CLHC1: variants seen among roughly 807,000 people sequenced by gnomAD.
CLHC1 encodes clathrin heavy chain linker domain containing 1.
In CLHC1, 72 loss-of-function variants were observed where a neutral mutation model predicts 69.5. That is an observed-to-expected ratio of 1.04 (90% CI 0.86 to 1.26). The LOEUF is 1.26. Ranked by LOEUF, CLHC1 falls within the 50% of genes most tolerant of loss-of-function variation. The pLI is 0.00. For synonymous variants in CLHC1, 223 were observed against 224.3 expected (o/e 0.99, Z 0.05); for missense variants, 790 against 679.3 (o/e 1.16, Z -1.81).
intron 9 of CLHC1, among the ~76,000 whole-genome samples, chr2:55,188,736 T>A (rs1670649429): frequency 6.6e-6 from 1 of 151,900 alleles, no homozygotes; most frequent in Non-Finnish European, 1.5e-5. Flanking sequence ...TACATTTCAA[T>A]CTAGAAGATT....
At chr2:55,224,587 A>G (rs1427458204) in intron 2 of CLHC1, 2 of 258,676 alleles carry the variant, frequency 7.7e-6, no homozygotes, top group Non-Finnish European at 1.6e-5. Flanking sequence ...ATCAACAGCC[A>G]AGGGGGATGA....
rs1250641643 is a variant in CLHC1 at position 55,180,652 on chromosome 2, A to G, written c.1242T>C (p.Tyr414=). 1.5e-5 allele frequency: 24 copies of G among 1,614,102 alleles called. No individual in the cohort carries two copies. The highest frequency in any genetic ancestry group is 1.8e-5 in the Non-Finnish European group (21 of 1,179,984). ...VICDYGEQDT[Y]NKAKCLALAQ... ...CTAAAGCCAGGCACTTGGCCTTGTT[A>G]TAAGTATCCTGCTCCCCATAATCAC... Residue 414 remains tyrosine, a synonymous_variant, in exon 11 of 13, where the codon TAT becomes TAC. Coordinates refer to ENST00000401408, the MANE Select transcript of CLHC1 (RefSeq NM_152385.4).
intron 9 of CLHC1, among the ~76,000 whole-genome samples, chr2:55,190,051 C>CTTTTT (rs566099094): frequency 6.1e-5 from 9 of 147,036 alleles, no homozygotes; most frequent in African/African-American, 2.2e-4. Context: ...AGGTAAAATT[C>CTTTTT]TTTTTTTTTT....
chr2:55,188,725 G>A (rs1003577991), intron 9 of CLHC1, among the ~76,000 whole-genome samples: 3 of 151,868 alleles, frequency 2.0e-5, no homozygotes, highest in African/African-American at 7.3e-5. Context: ...ATACATTGTA[G>A]TACATTTCAA....
chr2:55,222,261 T>G lies in CLHC1; in HGVS notation c.151A>C (p.Ile51Leu). Residue 51 changes from isoleucine to leucine, a missense_variant, in exon 3 of 13, where the codon ATC becomes CTC. Transcript: ENST00000401408. ...TTATCAAAAACATTTCGGTATATGA[T>G]GTAATATTCATCAGCAGGTCCTTCC... ...SEEGPADEYY[I>L]IYRNVFDKVI... 3.7e-6 allele frequency: 6 copies of G among 1,613,382 alleles called. No individual in the cohort carries two copies. Among genetic ancestry groups the G allele is most frequent in the Non-Finnish European group, 5.1e-6 (6 of 1,179,524 alleles).
At chr2:55,200,416 T>A (rs577061273) in intron 9 of CLHC1, among the ~76,000 whole-genome samples, 1 of 151,856 alleles carries the variant, frequency 6.6e-6, no homozygotes, top group African/African-American at 2.4e-5. Flanking sequence ...AGACAAAAAC[T>A]ATAAAAAGAG....
intron 2 of CLHC1, among the ~76,000 whole-genome samples, chr2:55,227,164 A>G (rs763634689): frequency 1.3e-5 from 2 of 152,260 alleles, no homozygotes; most frequent in Non-Finnish European, 2.9e-5. Flanking sequence ...ATGAATTAAT[A>G]TAAAGTAGTT....
rs774295121 is a variant in CLHC1 at position 55,175,803 on chromosome 2, T to G, written c.1748A>C (p.His583Pro). 1 of 1,613,624 alleles carries G rather than the reference T, an allele frequency of 6.2e-7. No homozygotes were observed. Among genetic ancestry groups the G allele is most frequent in the Non-Finnish European group, 8.5e-7 (1 of 1,179,722 alleles). The change falls in exon 13 of 13, where the codon CAT becomes CCT. Residue 583 changes from histidine (H) to proline (P), a missense_variant. His to Pro is a moderately conservative substitution (Grantham distance 77, BLOSUM62 -2). Transcript: ENST00000401408. ...EEDDAVNLME[H>P]VFW ...TAAGATATAGAACTACCAAAACACATGTTCCATTAGGTTGACTGCGTCATC... is the reference window on the plus strand; with the variant it reads ...TAAGATATAGAACTACCAAAACACAGGTTCCATTAGGTTGACTGCGTCATC...
At chr2:55,198,951 T>C (rs1366646147) in intron 9 of CLHC1, among the ~76,000 whole-genome samples, 1 of 152,092 alleles carries the variant, frequency 6.6e-6, no homozygotes, top group African/African-American at 2.4e-5. Flanking sequence ...ATAAAGACTC[T>C]CCCAGACAAA....
chr2:55,221,703 A>C (rs1225023423), intron 3 of CLHC1, among the ~76,000 whole-genome samples: 1 of 152,196 alleles, frequency 6.6e-6, no homozygotes, highest in Non-Finnish European at 1.5e-5. Context: ...TGGGCTAGGC[A>C]CTGGTAGTTC....
At chr2:55,208,568 C>A in intron 8 of CLHC1, 58 bp downstream of exon 8, 1 of 1,088,578 alleles carries the variant, frequency 9.2e-7, no homozygotes, top group Non-Finnish European at 1.4e-6. Flanking sequence ...GTATGTTATT[C>A]ACAAAGAATC....
chr2:55,191,455 C>T (rs1471249881), intron 9 of CLHC1, among the ~76,000 whole-genome samples: 3 of 152,096 alleles, frequency 2.0e-5, no homozygotes, highest in East Asian at 1.9e-4. Context: ...AGGCTGGTCT[C>T]GAACTTCTGA....
intron 4 of CLHC1, among the ~76,000 whole-genome samples, chr2:55,217,456 G>C (rs1460581712): frequency 7.2e-6 from 1 of 139,250 alleles, no homozygotes; most frequent in African/African-American, 2.7e-5. Context: ...CCAGGAGGCA[G>C]AGGTTGCAGC....
At position 55,201,266 on chromosome 2, in the gene CLHC1, C is replaced by T. The variant is rs541416013; in HGVS notation, c.1006+5004G>A. Among the ~76,000 whole-genome samples the T allele has an allele frequency of 3.3e-4, 50 of 150,972 alleles. 1 individual carries two copies. Among genetic ancestry groups the T allele is most frequent in the African/African-American group, 1.1e-3 (47 of 41,198 alleles). Reference sequence around the variant, plus strand: ...TTTAAAAAAAAAAAATTGACAAATCCTTAGCCAAACTAAGTAAGAAAAAAA... The same window carrying T: ...TTTAAAAAAAAAAAATTGACAAATCTTTAGCCAAACTAAGTAAGAAAAAAA... On this transcript the variant is annotated intron_variant, in intron 9 of 12. Transcript: ENST00000401408.
At chr2:55,186,579 TGTCATCTCTACAACAACAACAACA>T (rs1371768117) in intron 9 of CLHC1, among the ~76,000 whole-genome samples, 1 of 151,516 alleles carries the variant, frequency 6.6e-6, no homozygotes, top group Non-Finnish European at 1.5e-5. Context: ...CACTGTGAGA[TGTCATCTCTACAACAACAACAACA>T]ACAAAAACAC....
intron 9 of CLHC1, among the ~76,000 whole-genome samples, chr2:55,199,264 T>C (rs1003461021): frequency 1.7e-5 from 2 of 117,730 alleles, no homozygotes; most frequent in Non-Finnish European, 3.2e-5. Context: ...GCCACTGCAC[T>C]CCAGCCTGGA....
Position 55,174,525 on chromosome 2 carries a change from T to C in CLHC1, c.*1265A>G, listed in dbSNP as rs1279118280. 1.3e-5 allele frequency among the ~76,000 whole-genome samples: 2 copies of C among 152,220 alleles called. No homozygotes were observed. The highest frequency in any genetic ancestry group is 1.9e-4 in the East Asian group (1 of 5,196). On this transcript the variant is annotated 3_prime_UTR_variant, in exon 13 of 13. Transcript: ENST00000401408. Reference sequence around the variant, plus strand: ...ACAGCTATCTTTTCCTAAGTTCCTCTATCATGTTATACACTTACACTACAC... The same window carrying C: ...ACAGCTATCTTTTCCTAAGTTCCTCCATCATGTTATACACTTACACTACAC...
intron 4 of CLHC1, among the ~76,000 whole-genome samples, chr2:55,213,117 A>G (rs958148365): frequency 6.6e-6 from 1 of 152,264 alleles, no homozygotes; most frequent in Non-Finnish European, 1.5e-5. Context: ...AAGTAATTAT[A>G]TTAGTTTCCT....
intron 9 of CLHC1, among the ~76,000 whole-genome samples, chr2:55,186,144 T>C (rs1039458586): frequency 6.6e-6 from 1 of 152,130 alleles, no homozygotes; most frequent in Non-Finnish European, 1.5e-5. Flanking sequence ...GGGAATGAAG[T>C]CTGAATTTCA....
Sources: allele counts gnomAD v4.1 joint callset (sites outside exome capture counted in the v4.1 genomes callset), GRCh38; gene constraint gnomAD v4.1.1; transcripts MANE v1.5; gene names NCBI Gene and HGNC (gene_info 2026-07-23, HGNC 2026-07-21).